Variants in AP3S1 observed in about 807,000 individuals in gnomAD.
AP3S1 encodes the protein adaptor related protein complex 3 subunit sigma 1, also known as AP-3 complex subunit sigma-1.
In AP3S1, 12 loss-of-function variants were observed where a neutral mutation model predicts 21.3. That is an observed-to-expected ratio of 0.56 (90% CI 0.36 to 0.91). The LOEUF is 0.91. Among genes scored for constraint, AP3S1 ranks in the 40% least tolerant of loss-of-function variants. The probability of loss-of-function intolerance (pLI) is 0.01; values close to 1 mark genes in which losing one functional copy is unlikely to be tolerated. For missense variants in AP3S1, 116 were observed against 225.0 expected (o/e 0.52, Z 3.10); for synonymous variants, 48 against 78.4 (o/e 0.61, Z 2.05).
rs573366548 is a variant in AP3S1 at position 115,879,594 on chromosome 5, G to A, written c.273+9466G>A. Among the ~76,000 whole-genome samples the A allele has an allele frequency of 7.9e-5, 12 of 152,238 alleles. No homozygotes were observed. The East Asian group carries it at 1.9e-3, about 25-fold the overall frequency. ...GCTTTTTGATGTGCTGCTAGATTCG[G>A]TTTGCCAGGATTTTATTGAGGATTT... On this transcript the variant is annotated intron_variant, in intron 3 of 5. Coordinates refer to ENST00000316788, the MANE Select transcript of AP3S1 (RefSeq NM_001284.4).
chr5:115,853,394 T>C (rs1762584423), intron 1 of AP3S1, among the ~76,000 whole-genome samples: 1 of 152,232 alleles, frequency 6.6e-6, no homozygotes, highest in South Asian at 2.1e-4. Flanking sequence ...GATGTGCATG[T>C]ATCTCCTCCC....
intron 3 of AP3S1, among the ~76,000 whole-genome samples, chr5:115,879,027 TGAC>T (rs1434135845): frequency 6.6e-6 from 1 of 152,214 alleles, no homozygotes; most frequent in East Asian, 1.9e-4. Flanking sequence ...GGAATGCTTG[TGAC>T]TTTTGCACAT....
chr5:115,875,601 G>T (rs142633878), intron 3 of AP3S1, among the ~76,000 whole-genome samples: 1 of 152,290 alleles, frequency 6.6e-6, no homozygotes, highest in Non-Finnish European at 1.5e-5. Context: ...CCAACTCTTG[G>T]TCCCAGAGGA....
intron 3 of AP3S1, among the ~76,000 whole-genome samples, chr5:115,879,156 G>T (rs187344939): frequency 1.6e-4 from 24 of 152,270 alleles, no homozygotes; most frequent in Middle Eastern, 3.4e-3. Flanking sequence ...GAGACAGTTT[G>T]ACTTTCTCTC....
At chr5:115,900,540 C>T (rs1202072651) in intron 4 of AP3S1, among the ~76,000 whole-genome samples, 2 of 152,150 alleles carry the variant, frequency 1.3e-5, no homozygotes, top group African/African-American at 4.8e-5. Context: ...GCCCTGATTC[C>T]TTTTTGTTGG....
intron 4 of AP3S1, among the ~76,000 whole-genome samples, chr5:115,902,483 T>A (rs1052041418): frequency 2.6e-5 from 4 of 152,150 alleles, no homozygotes; most frequent in African/African-American, 9.7e-5. Flanking sequence ...AATAATAACC[T>A]AATTATTGTT....
intron 5 of AP3S1, chr5:115,906,721 TA>T: frequency 1.2e-6 from 1 of 858,610 alleles, no homozygotes; most frequent in Non-Finnish European, 1.7e-6. Context: ...TTAAGATGGA[TA>T]AATGGGTCTG....
intron 3 of AP3S1, among the ~76,000 whole-genome samples, chr5:115,874,181 T>G (rs1748510068): frequency 6.6e-6 from 1 of 152,090 alleles, no homozygotes; most frequent in Non-Finnish European, 1.5e-5. Flanking sequence ...AAATTCCTTG[T>G]AAGTTTGGAA....
At chr5:115,864,634 T>G (rs992982198) in intron 1 of AP3S1, among the ~76,000 whole-genome samples, 6 of 152,208 alleles carry the variant, frequency 3.9e-5, no homozygotes, top group African/African-American at 1.4e-4. Context: ...GTCTATATGT[T>G]GAGCATGACT....
chr5:115,855,958 AAG>A (rs1762772579), intron 1 of AP3S1, among the ~76,000 whole-genome samples: 1 of 152,210 alleles, frequency 6.6e-6, no homozygotes, highest in African/African-American at 2.4e-5. Context: ...AACGTAGGAA[AAG>A]AGAAAATATT....
At chr5:115,869,308 A>G (rs1159806219) in intron 2 of AP3S1, among the ~76,000 whole-genome samples, 1 of 152,208 alleles carries the variant, frequency 6.6e-6, no homozygotes, top group Non-Finnish European at 1.5e-5. Flanking sequence ...AATCTATCCA[A>G]AACTTAAGAA....
intron 3 of AP3S1, among the ~76,000 whole-genome samples, chr5:115,879,974 A>G (rs929858711): frequency 6.6e-6 from 1 of 151,758 alleles, no homozygotes; most frequent in Non-Finnish European, 1.5e-5. Flanking sequence ...TTTCTTCTAG[A>G]TTTTCTAGTT....
intron 1 of AP3S1, among the ~76,000 whole-genome samples, chr5:115,847,995 T>G (rs993731841): frequency 6.6e-6 from 1 of 152,204 alleles, no homozygotes; most frequent in Non-Finnish European, 1.5e-5. Flanking sequence ...AAATTAAGAC[T>G]AAACCTTTTG....
At chr5:115,888,730 T>C (rs1688829084) in intron 3 of AP3S1, among the ~76,000 whole-genome samples, 1 of 152,136 alleles carries the variant, frequency 6.6e-6, no homozygotes, top group African/African-American at 2.4e-5. Context: ...CATGTAGTTA[T>C]CTTCCTTTTA....
In AP3S1 at chr5:115,841,946, G is replaced by A; in HGVS notation, c.-92G>A. ...CGGTCGCGTGCGGGAGGGGGCGGGT[G>A]GGGAAGGATCGCAGGCGAGATTACG... On this transcript the variant is annotated 5_prime_UTR_variant, in exon 1 of 6. Transcript: ENST00000316788. 1.3e-6 allele frequency: 2 copies of A among 1,522,210 alleles called. No homozygotes were observed. The highest frequency in any genetic ancestry group is 2.1e-5 in the Admixed American group (1 of 46,746). 94.3% of individuals were successfully genotyped at this position (1,522,210 alleles called of 1,614,324 possible). A position where few individuals can be genotyped will look rare whatever the true frequency, so the allele number is the denominator to read the frequency against.
intron 5 of AP3S1, chr5:115,906,953 C>A (rs973974098): frequency 7.2e-6 from 10 of 1,383,622 alleles, no homozygotes; most frequent in African/African-American, 1.5e-5. Context: ...CTCAAAAATT[C>A]TTTGTGTTAA....
intron 3 of AP3S1, among the ~76,000 whole-genome samples, chr5:115,881,498 CT>C (rs1749283636): frequency 6.6e-6 from 1 of 152,284 alleles, no homozygotes; most frequent in Non-Finnish European, 1.5e-5. Flanking sequence ...GTTGAAAATT[CT>C]TTAAGAATGT....
At chr5:115,863,387 A>T (rs1763348094) in intron 1 of AP3S1, among the ~76,000 whole-genome samples, 1 of 150,578 alleles carries the variant, frequency 6.6e-6, no homozygotes, top group African/African-American at 2.4e-5. Flanking sequence ...CAGAGCAAAA[A>T]CTATCTCGAA....
intron 1 of AP3S1, among the ~76,000 whole-genome samples, chr5:115,854,701 C>T (rs1312745212): frequency 6.7e-6 from 1 of 150,198 alleles, no homozygotes; most frequent in East Asian, 1.9e-4. Context: ...TTAAGTGCAA[C>T]ATAAACTATT....
Sources: allele counts gnomAD v4.1 joint callset (sites outside exome capture counted in the v4.1 genomes callset), GRCh38; gene constraint gnomAD v4.1.1; transcripts MANE v1.5; gene names NCBI Gene and HGNC (gene_info 2026-07-23, HGNC 2026-07-21).